Variants in OCA2 observed in about 807,000 individuals in gnomAD.
OCA2 encodes the protein P protein.
OCA2 carries 77 observed loss-of-function variants against 100.2 expected under a neutral mutation model. That is an observed-to-expected ratio of 0.77 (90% confidence interval 0.64 to 0.93). The LOEUF (loss-of-function observed/expected upper bound fraction) is 0.93. Ranked by LOEUF, OCA2 falls within the 40% of genes least tolerant of loss-of-function variation. OCA2 has a pLI of 0.00. For missense variants in OCA2, 1,062 were observed against 1,089.1 expected (o/e 0.98, Z 0.35); for synonymous variants, 432 against 439.2 (o/e 0.98, Z 0.21).
At position 27,888,674 on chromosome 15, in the gene OCA2, T is replaced by A. The variant is rs575346998; in HGVS notation, c.2080-16752A>T. 9.2e-5 allele frequency among the ~76,000 whole-genome samples: 14 copies of A among 152,240 alleles called. No homozygotes were observed. In the East Asian group the frequency reaches 2.7e-3, roughly 29 times the overall value. On this transcript the variant is annotated intron_variant, in intron 19 of 23. Transcript: ENST00000354638. ...AGAATTTCTTTTTTTTAATTTTATATCATCAATACAAATTTTACAGCATCT... is the reference window on the plus strand; with the variant it reads ...AGAATTTCTTTTTTTTAATTTTATAACATCAATACAAATTTTACAGCATCT...
intron 1 of OCA2, among the ~76,000 whole-genome samples, chr15:28,093,649 C>T (rs1226840672): frequency 6.6e-6 from 1 of 152,110 alleles, no homozygotes; most frequent in Admixed American, 6.6e-5. Context: ...AAACCCTACA[C>T]GCAAATGGTC....
At chr15:27,899,718 C>T (rs186459307) in intron 19 of OCA2, among the ~76,000 whole-genome samples, 1 of 152,308 alleles carries the variant, frequency 6.6e-6, no homozygotes, top group Admixed American at 6.5e-5. Context: ...CAGTGGCCTG[C>T]TAAAGCTTCA....
chr15:28,055,742 C>T (rs1291006415), intron 2 of OCA2, among the ~76,000 whole-genome samples: 1 of 152,200 alleles, frequency 6.6e-6, no homozygotes, highest in Non-Finnish European at 1.5e-5. Context: ...CTGCAGCCTC[C>T]TCGAGGGCCA....
intron 1 of OCA2, among the ~76,000 whole-genome samples, chr15:28,091,908 A>G (rs1026115543): frequency 2.6e-5 from 4 of 152,180 alleles, no homozygotes; most frequent in Admixed American, 6.5e-5. Flanking sequence ...GTGAGCTGAG[A>G]TCGTGCCACT....
intron 6 of OCA2, among the ~76,000 whole-genome samples, chr15:28,021,203 C>T (rs758256119): frequency 6.6e-6 from 1 of 152,166 alleles, no homozygotes; most frequent in Middle Eastern, 3.2e-3. Flanking sequence ...CACGGATGCC[C>T]GCCGCACTAG....
At chr15:27,904,388 T>A (rs1028894314) in intron 19 of OCA2, among the ~76,000 whole-genome samples, 5 of 152,068 alleles carry the variant, frequency 3.3e-5, no homozygotes, top group Non-Finnish European at 5.9e-5. Flanking sequence ...CAGATGAGCT[T>A]TGGAGGACGG....
rs1209695913 is a variant in OCA2 at position 28,081,690 on chromosome 15, G to A, written c.185C>T (p.Ala62Val). The change falls in exon 2 of 24, where the codon GCT (alanine) becomes GTT (valine). Residue 62 changes from alanine to valine, a missense_variant. Ala to Val is a moderately conservative substitution (Grantham distance 64). Coordinates refer to ENST00000354638, the MANE Select transcript of OCA2 (RefSeq NM_000275.3). ...PRGAAGQSSWAPAGQEFASFL... is the reference protein window; with the variant it reads ...PRGAAGQSSWVPAGQEFASFL... ...TGAAGCAAACTCCTGGCCTGCAGGA[G>A]CCCAAGAGCTCTGCCCGGCAGCCCC... The A allele has an allele frequency of 6.2e-7, 1 of 1,613,888 alleles. No individual in the cohort carries two copies. Among genetic ancestry groups the A allele is most frequent in the East Asian group, 2.2e-5 (1 of 44,886 alleles).
intron 18 of OCA2, among the ~76,000 whole-genome samples, chr15:27,939,222 C>T (rs76604320): frequency 0.018 from 2,692 of 152,270 alleles, 88 homozygotes; most frequent in African/African-American, 0.061. Context: ...TCTTAACTTA[C>T]TTTTATTTTC....
chr15:28,048,045 T>TA (rs1156774821), intron 2 of OCA2, among the ~76,000 whole-genome samples: 3 of 152,244 alleles, frequency 2.0e-5, no homozygotes, highest in Admixed American at 2.0e-4. Context: ...ACAAAATAGC[T>TA]AAAAATAAAT....
At chr15:27,871,089 G>C (rs1406161497) in intron 21 of OCA2, 65 bp downstream of exon 21, 1 of 1,190,398 alleles carries the variant, frequency 8.4e-7, no homozygotes, top group African/African-American at 1.5e-5. Context: ...CTTAGGAAGG[G>C]AGGGTGAGCC....
At chr15:27,929,810 C>A (rs374653860) in intron 18 of OCA2, among the ~76,000 whole-genome samples, 1 of 75,468 alleles carries the variant, frequency 1.3e-5, no homozygotes, top group Non-Finnish European at 3.4e-5. Flanking sequence ...GTAAACAACA[C>A]AATTCAAATG....
intron 23 of OCA2, among the ~76,000 whole-genome samples, chr15:27,765,507 C>T (rs2031188726): frequency 6.6e-6 from 1 of 152,174 alleles, no homozygotes; most frequent in African/African-American, 2.4e-5. Flanking sequence ...TTTCCTGAGG[C>T]TCCAGAGGAA....
At chr15:28,099,176 C>T (rs2045039586) in intron 1 of OCA2, 48 bp downstream of exon 1, 1 of 153,344 alleles carries the variant, frequency 6.5e-6, no homozygotes, top group African/African-American at 2.4e-5. Context: ...CCAGGCTAGT[C>T]TGGCTCCTCG....
At chr15:28,016,003 T>A in intron 8 of OCA2, 101 bp downstream of exon 8, 5 of 873,954 alleles carry the variant, frequency 5.7e-6, no homozygotes, top group South Asian at 5.3e-5. Flanking sequence ...CATGCTGACC[T>A]GGTGCTGTGT....
At chr15:28,022,364 C>T in intron 6 of OCA2, 137 bp downstream of exon 6, 1 of 699,850 alleles carries the variant, frequency 1.4e-6, no homozygotes. Context: ...TCTCATCAGA[C>T]ATCCTGGAGA....
chr15:27,753,583 C>G (rs1465431443), downstream of OCA2, among the ~76,000 whole-genome samples: 3 of 151,600 alleles, frequency 2.0e-5, no homozygotes, highest in African/African-American at 7.3e-5. Context: ...AATACAAAAA[C>G]AAAATTAGCC....
intron 23 of OCA2, among the ~76,000 whole-genome samples, chr15:27,810,380 C>A (rs1311213126): frequency 6.6e-6 from 1 of 152,164 alleles, no homozygotes; most frequent in Non-Finnish European, 1.5e-5. Context: ...AGACTTAAAT[C>A]TAAGATGTGA....
intron 2 of OCA2, among the ~76,000 whole-genome samples, chr15:28,060,090 G>A (rs1354786831): frequency 6.6e-6 from 1 of 152,170 alleles, no homozygotes; most frequent in Non-Finnish European, 1.5e-5. Context: ...CCCACCCCTG[G>A]TGCCAGCACC....
chr15:28,089,685 AAT>A (rs2044839882), intron 1 of OCA2, among the ~76,000 whole-genome samples: 1 of 152,262 alleles, frequency 6.6e-6, no homozygotes, highest in South Asian at 2.1e-4. Context: ...TGAATTTAAA[AAT>A]ATGACTCAAC....
Sources: gnomAD v4.1 joint callset for allele counts (sites outside exome capture counted in the v4.1 genomes callset) on GRCh38, gnomAD v4.1.1 for gene constraint, MANE v1.5 for transcripts, NCBI Gene and HGNC (gene_info 2026-07-23, HGNC 2026-07-21) for gene names.